The following CDH15 variants were observed in gnomAD, a reference collection of about 807,000 sequenced individuals.
The protein encoded by CDH15 is cadherin 15.
CDH15 carries 73 observed loss-of-function variants against 69.4 expected under a neutral mutation model. The observed-to-expected ratio is 1.05, with a 90% confidence interval of 0.87 to 1.28. The LOEUF is 1.28. Among genes scored for constraint, CDH15 ranks in the 50% most tolerant of loss-of-function variants. The pLI, the probability that CDH15 is intolerant of heterozygous loss-of-function variation, is 0.00. For synonymous variants in CDH15, 624 were observed against 507.7 expected (o/e 1.23, Z -3.08); for missense variants, 1,343 against 1,133.6 (o/e 1.18, Z -2.65).
intron 5 of CDH15, among the ~76,000 whole-genome samples, chr16:89,186,663 A>G (rs866965805): frequency 2.5e-5 from 3 of 121,528 alleles, no homozygotes; most frequent in Admixed American, 8.2e-5. Context: ...GGTGCTCTGT[A>G]AACGCTCACC....
chr16:89,180,987 T>TTTTTTTTTTTTTTTTTTTA (rs1567771866), intron 3 of CDH15, among the ~76,000 whole-genome samples: 1 of 149,784 alleles, frequency 6.7e-6, no homozygotes, highest in Admixed American at 6.6e-5. Context: ...TTTTTTTTTT[T>TTTTTTTTTTTTTTTTTTTA]GAGATGGAGC....
At position 89,180,987 on chromosome 16, in the gene CDH15, TGAGATGGAGC is replaced by T. The variant is rs1368296698; in HGVS notation, c.357+633_357+642del. Among the ~76,000 whole-genome samples the T allele has an allele frequency of 3.6e-4, 54 of 149,882 alleles. 2 individuals are homozygous for T. Among genetic ancestry groups the T allele is most frequent in the African/African-American group, 1.3e-3 (53 of 40,602 alleles). ...ACCGCGCCCGACCTTTTTTTTTTTT[TGAGATGGAGC>T]TTCACTCTACCGCCCAGGCTGGAGT... On this transcript the variant is annotated intron_variant, in intron 3 of 13. Transcript: ENST00000289746.
At chr16:89,172,816 G>A (rs1915184259) in intron 1 of CDH15, among the ~76,000 whole-genome samples, 1 of 152,180 alleles carries the variant, frequency 6.6e-6, no homozygotes, top group South Asian at 2.1e-4. Context: ...GGTACAAGAG[G>A]GCAGCCTCTC....
At chr16:89,175,152 T>G (rs1915232086) in intron 1 of CDH15, among the ~76,000 whole-genome samples, 1 of 152,104 alleles carries the variant, frequency 6.6e-6, no homozygotes, top group Admixed American at 6.6e-5. Context: ...GGCCCAGGAC[T>G]CCCAGCCTCT....
At chr16:89,194,123 G>A (rs554686394) in intron 13 of CDH15, among the ~76,000 whole-genome samples, 42 of 152,336 alleles carry the variant, frequency 2.8e-4, no homozygotes, top group African/African-American at 6.5e-4. Context: ...CTCCACCCGC[G>A]ACGCGGGTCT....
chr16:89,179,550 G>A lies in CDH15; in HGVS notation c.177G>A (p.Lys59=). ...IPPISVSENH[K]RLPYPLVQIK... ...CGATCAGCGTATCCGAGAACCACAAGCGTCTCCCCTACCCCCTGGTTCAGG... is the reference window on the plus strand; with the variant it reads ...CGATCAGCGTATCCGAGAACCACAAACGTCTCCCCTACCCCCTGGTTCAGG... The change falls in exon 2 of 14, where the codon AAG becomes AAA. Residue 59 remains lysine, a synonymous_variant. Transcript: ENST00000289746. The A allele has an allele frequency of 1.2e-6, 2 of 1,607,450 alleles. No individual in the cohort carries two copies. The highest frequency in any genetic ancestry group is 1.7e-6 in the Non-Finnish European group (2 of 1,176,130).
chr16:89,194,736 C>T (rs1176680592), intron 13 of CDH15, 126 bp from the exon 14 acceptor site: 10 of 943,118 alleles, frequency 1.1e-5, no homozygotes, highest in South Asian at 2.8e-5. Flanking sequence ...ACCTCGCCCC[C>T]GGACGTGGGC....
In CDH15 at chr16:89,187,522, A is replaced by T; in HGVS notation, c.757A>T (p.Ile253Phe). ...CTCAGCCATCATCACCCTTGATGACATCAATGACAATGCCCCCGAGTTCAC... is the reference window on the plus strand; with the variant it reads ...CTCAGCCATCATCACCCTTGATGACTTCAATGACAATGCCCCCGAGTTCAC... ...TASAIITLDD[I>F]NDNAPEFTRD... The change falls in exon 6 of 14, where the codon ATC (isoleucine) becomes TTC (phenylalanine). Residue 253 changes from isoleucine (I) to phenylalanine (F), a missense_variant. Coordinates refer to ENST00000289746, the MANE Select transcript of CDH15 (RefSeq NM_004933.3). The T allele has an allele frequency of 6.2e-7, 1 of 1,613,692 alleles. No individual in the cohort carries two copies. Among genetic ancestry groups the T allele is most frequent in the East Asian group, 2.2e-5 (1 of 44,886 alleles).
chr16:89,190,915 T>A (rs1377103161), intron 8 of CDH15, among the ~76,000 whole-genome samples: 2 of 152,146 alleles, frequency 1.3e-5, no homozygotes, highest in African/African-American at 2.4e-5. Flanking sequence ...TCGCCTGCCC[T>A]CCCTGAGCCT....
chr16:89,194,795 G>C (rs1915759348), intron 13 of CDH15, 67 bp from the exon 14 acceptor site: 7 of 1,498,910 alleles, frequency 4.7e-6, no homozygotes, highest in Admixed American at 1.9e-5. Flanking sequence ...GCCCTGGGCT[G>C]TGGCCACGGC....
chr16:89,173,606 C>T (rs938230686), intron 1 of CDH15, among the ~76,000 whole-genome samples: 1 of 152,214 alleles, frequency 6.6e-6, no homozygotes, highest in Non-Finnish European at 1.5e-5. Context: ...AGGACCCTGC[C>T]TGCCCCTCCC....
Position 89,192,450 on chromosome 16 carries a change from T to C in CDH15, c.1855+6T>C, listed in dbSNP as rs1259716469. 6.4e-7 allele frequency: 1 copy of C among 1,561,640 alleles called. No homozygotes were observed. The highest frequency in any genetic ancestry group is 1.8e-5 in the Admixed American group (1 of 55,282). On this transcript the variant is annotated splice_donor_region_variant and intron_variant, in intron 11 of 13. Transcript: ENST00000289746. ...CAGCGCCCTCCTGCTGCTGGGTGAG[T>C]GAGCGCCCCGCCTCCACCTGGACCC...
chr16:89,180,523 C>A (rs1191272345), intron 3 of CDH15, among the ~76,000 whole-genome samples, 168 bp downstream of exon 3: 1 of 152,184 alleles, frequency 6.6e-6, no homozygotes, highest in African/African-American at 2.4e-5. Flanking sequence ...GGGACCGAGG[C>A]CCTGCAGCCG....
intron 5 of CDH15, 171 bp downstream of exon 5, chr16:89,185,504 C>T (rs748942067): frequency 1.1e-5 from 9 of 811,940 alleles, no homozygotes; most frequent in East Asian, 5.4e-5. Context: ...CCCACTGATG[C>T]GCAGACAGGA....
At chr16:89,194,661 G>A (rs556018205) in intron 13 of CDH15, among the ~76,000 whole-genome samples, 2 of 152,276 alleles carry the variant, frequency 1.3e-5, no homozygotes, top group Non-Finnish European at 2.9e-5. Context: ...GAGGAAGGGG[G>A]TAGTCCGTGG....
rs905321314 is a variant in CDH15, at chr16:89,194,741, G to A, written c.2152-121G>A. On this transcript the variant is annotated intron_variant, in intron 13 of 13. Transcript: ENST00000289746. Reference sequence around the variant, plus strand: ...CTCCCCTCAGACCTCGCCCCCGGACGTGGGCAGCTTCCCCTTCCTGAGCCC... The same window carrying A: ...CTCCCCTCAGACCTCGCCCCCGGACATGGGCAGCTTCCCCTTCCTGAGCCC... The A allele has an allele frequency of 4.4e-5, 43 of 977,276 alleles. No homozygotes were observed. In the African/African-American group the frequency reaches 5.5e-4, roughly 12 times the overall value. The allele number at this position is 977,276 out of a possible 1,614,324, so 60.5% of individuals were successfully genotyped here.
Position 89,191,660 on chromosome 16 carries a change from C to T in CDH15, c.1381C>T (p.Gln461Ter), listed in dbSNP as rs1251007576. 4.4e-6 allele frequency: 7 copies of T among 1,587,844 alleles called. No homozygotes were observed. Among genetic ancestry groups the T allele is most frequent in the South Asian group, 1.1e-5 (1 of 89,282 alleles). ...CGCGGCCTCCTCGCCTGCAGCCTCC[C>T]AGCCCCGCACCGCCACCGGCACCCT... ...AIVLAQDDASQPRTATGTLSI... is the reference protein window; with the variant it reads ...AIVLAQDDAS The change falls in exon 10 of 14, where the codon CAG becomes TAG. Residue 461 changes from glutamine (Q) to a stop codon, truncating the protein, a stop_gained. Transcript: ENST00000289746. LOFTEE classifies it high-confidence loss of function.
At chr16:89,181,767 G>A (rs866213498) in intron 3 of CDH15, among the ~76,000 whole-genome samples, 2 of 151,904 alleles carry the variant, frequency 1.3e-5, no homozygotes, top group African/African-American at 4.8e-5. Flanking sequence ...GTGAAACCCC[G>A]TCTCTACTAA....
At chr16:89,194,603 G>A (rs1045671150) in intron 13 of CDH15, among the ~76,000 whole-genome samples, 3 of 152,118 alleles carry the variant, frequency 2.0e-5, no homozygotes, top group African/African-American at 7.2e-5. Flanking sequence ...CCACCTTGCT[G>A]GGGCAGGGCA....
Sources: allele counts gnomAD v4.1 joint callset (sites outside exome capture counted in the v4.1 genomes callset), GRCh38; gene constraint gnomAD v4.1.1; transcripts MANE v1.5; gene names NCBI Gene and HGNC (gene_info 2026-07-23, HGNC 2026-07-21).